TACC2: variants seen among roughly 807,000 people sequenced by gnomAD.
The protein encoded by TACC2 is transforming acidic coiled-coil-containing protein 2.
TACC2 carries 137 observed loss-of-function variants against 227.3 expected under a neutral mutation model. The ratio of observed to expected loss-of-function variants is 0.60; its 90% CI spans 0.52 to 0.69. The LOEUF is 0.69. Ranked by LOEUF, TACC2 falls within the 30% of genes least tolerant of loss-of-function variation. The pLI is 0.00. For missense variants in TACC2, 3,470 were observed against 3,694.4 expected, an observed-to-expected ratio of 0.94 and a Z score of 1.57; for synonymous variants, 1,523 against 1,487.5, an observed-to-expected ratio of 1.02 and a Z score of -0.55.
chr10:122,200,181 G>A (rs565636243), intron 8 of TACC2, among the ~76,000 whole-genome samples: 1 of 152,374 alleles, frequency 6.6e-6, no homozygotes, highest in East Asian at 1.9e-4. Flanking sequence ...GAGACCACTG[G>A]AGATTCTGAT....
Position 122,237,997 on chromosome 10 carries a change from G to T in TACC2, c.8308G>T (p.Asp2770Tyr). 1.2e-6 allele frequency: 2 copies of T among 1,614,146 alleles called. No individual in the cohort carries two copies. The highest frequency in any genetic ancestry group is 1.7e-6 in the Non-Finnish European group (2 of 1,180,022). Residue 2770 changes from aspartate to tyrosine, a missense_variant, in exon 18 of 23, where the codon GAT (aspartate) becomes TAT (tyrosine). This residue lies in a region of TACC2 where 65 missense variants were observed against 119.3 expected (regional missense o/e 0.54). Transcript: ENST00000369005. ...TKEREVSEWK[D>Y]KYEESRREVM... ...GGAGAGAGAGGTCTCAGAATGGAAA[G>T]ATAAATATGAAGAAAGCAGGCGGGA... is the stretch of plus-strand genomic sequence containing the variant.
chr10:121,990,789 T>G (rs1367204443), intron 1 of TACC2, among the ~76,000 whole-genome samples: 1 of 151,948 alleles, frequency 6.6e-6, no homozygotes, highest in Non-Finnish European at 1.5e-5. Context: ...GTTGTTGTTG[T>G]TTGTTTGTTT....
At chr10:122,005,482 T>C (rs969862858) in intron 1 of TACC2, among the ~76,000 whole-genome samples, 2 of 151,210 alleles carry the variant, frequency 1.3e-5, no homozygotes, top group Non-Finnish European at 2.9e-5. Context: ...CCTCCTGGGT[T>C]CACGCCATTC....
chr10:121,996,274 T>C (rs1393480003), intron 1 of TACC2, among the ~76,000 whole-genome samples: 2 of 152,238 alleles, frequency 1.3e-5, no homozygotes, highest in East Asian at 3.9e-4. Context: ...CAGGCTGTGT[T>C]GCTCAGGCTG....
intron 2 of TACC2, among the ~76,000 whole-genome samples, chr10:122,040,142 C>T (rs1368302733): frequency 6.6e-6 from 1 of 152,136 alleles, no homozygotes; most frequent in Non-Finnish European, 1.5e-5. Context: ...ATGTATTGCA[C>T]CACCTGATGG....
At chr10:122,174,576 G>A (rs1031417223) in intron 7 of TACC2, among the ~76,000 whole-genome samples, 1 of 152,126 alleles carries the variant, frequency 6.6e-6, no homozygotes, top group Non-Finnish European at 1.5e-5. Context: ...TGCATAAAAC[G>A]TTCGTGAAAC....
intron 7 of TACC2, among the ~76,000 whole-genome samples, chr10:122,178,606 A>G (rs2093839620): frequency 6.6e-6 from 1 of 151,714 alleles, no homozygotes; most frequent in South Asian, 2.1e-4. Context: ...ATAAAGGGTC[A>G]GGCGCAGTGG....
Position 122,053,975 on chromosome 10 carries a change from C to T in TACC2, c.146+3425C>T, listed in dbSNP as rs558853104. Among the ~76,000 whole-genome samples, 146 of 152,286 alleles carry T rather than the reference C, an allele frequency of 9.6e-4. 1 individual carries two copies. The highest frequency in any genetic ancestry group is 3.1e-3 in the African/African-American group (127 of 41,554). On this transcript the variant is annotated intron_variant, in intron 3 of 22. Transcript: ENST00000369005. ...GCGAGGGAAGAATATAGGCAGAATG[C>T]GTGTGTGAATATTCCCAAAGATGGT... is the stretch of plus-strand genomic sequence containing the variant.
chr10:122,041,472 A>G (rs550125150), intron 2 of TACC2, among the ~76,000 whole-genome samples: 1 of 147,142 alleles, frequency 6.8e-6, no homozygotes, highest in Non-Finnish European at 1.5e-5. Flanking sequence ...AACGAGACAG[A>G]GTCCTGCTTT....
intron 1 of TACC2, among the ~76,000 whole-genome samples, chr10:121,992,889 AGGTTGCAGTGAGCCAAGATC>A: frequency 6.6e-6 from 1 of 151,728 alleles, no homozygotes; most frequent in East Asian, 1.9e-4. Context: ...TGGGAGGCAG[AGGTTGCAGTGAGCCAAGATC>A]GTGCCACTGC....
At chr10:122,134,788 A>G (rs2089226929) in intron 6 of TACC2, among the ~76,000 whole-genome samples, 2 of 152,194 alleles carry the variant, frequency 1.3e-5, no homozygotes, top group South Asian at 4.1e-4. Flanking sequence ...ATGCGGGGGC[A>G]CGAGGAAGCT....
intron 3 of TACC2, among the ~76,000 whole-genome samples, chr10:122,064,713 C>T (rs768526328): frequency 1.2e-4 from 18 of 152,162 alleles, no homozygotes; most frequent in Non-Finnish European, 2.2e-4. Context: ...GTTTCACTGC[C>T]TTAAAAACCC....
At chr10:122,112,497 C>T (rs1001924652) in intron 5 of TACC2, among the ~76,000 whole-genome samples, 2 of 152,202 alleles carry the variant, frequency 1.3e-5, no homozygotes, top group Non-Finnish European at 2.9e-5. Context: ...GGTTAAGCGC[C>T]ATTAATACCA....
At chr10:122,197,779 C>T (rs961022251) in intron 8 of TACC2, among the ~76,000 whole-genome samples, 17 of 152,200 alleles carry the variant, frequency 1.1e-4, no homozygotes, top group Non-Finnish European at 2.2e-4. Flanking sequence ...TGCTGAAAGC[C>T]CCCCTAGCTT....
At chr10:122,003,303 T>C (rs770810080) in intron 1 of TACC2, among the ~76,000 whole-genome samples, 1 of 152,214 alleles carries the variant, frequency 6.6e-6, no homozygotes, top group Non-Finnish European at 1.5e-5. Context: ...TATTTTTTCT[T>C]CTTTGTGCTT....
chr10:122,041,413 A>G (rs76312896), intron 2 of TACC2, among the ~76,000 whole-genome samples: 2,364 of 150,898 alleles, frequency 0.016, 45 homozygotes, highest in Admixed American at 0.054. Context: ...AATTAATTCA[A>G]TCTTCATGAC....
At chr10:122,058,857 G>A (rs2076473676) in intron 3 of TACC2, among the ~76,000 whole-genome samples, 1 of 150,664 alleles carries the variant, frequency 6.6e-6, no homozygotes, top group Admixed American at 6.6e-5. Flanking sequence ...TGAGAGCTAG[G>A]CCATGCGTGA....
chr10:122,053,093 G>C (rs551239206), intron 3 of TACC2, among the ~76,000 whole-genome samples: 4 of 152,304 alleles, frequency 2.6e-5, no homozygotes, highest in African/African-American at 9.6e-5. Flanking sequence ...GGTATGCCAA[G>C]TGTATTAGTC....
intron 22 of TACC2, among the ~76,000 whole-genome samples, chr10:122,251,806 T>C (rs2096260693): frequency 6.6e-6 from 1 of 152,254 alleles, no homozygotes; most frequent in Admixed American, 6.5e-5. Flanking sequence ...TAGCAATGTG[T>C]GTGTTTGAGA....
Sources: gnomAD v4.1 joint callset for allele counts (sites outside exome capture counted in the v4.1 genomes callset) on GRCh38, gnomAD v4.1.1 for gene constraint, gnomAD v4.1.1 regional missense constraint, MANE v1.5 for transcripts, NCBI Gene and HGNC (gene_info 2026-07-23, HGNC 2026-07-21) for gene names.